ADGRF5: variants seen among roughly 807,000 people sequenced by gnomAD.
ADGRF5 encodes the protein adhesion G protein-coupled receptor F5.
Under a neutral mutation model 132.3 loss-of-function variants are expected in ADGRF5, and 75 were observed. The ratio of observed to expected loss-of-function variants is 0.57; its 90% CI spans 0.47 to 0.69. The LOEUF (loss-of-function observed/expected upper bound fraction) is 0.69, where lower values mean the gene tolerates loss of function less well. ADGRF5 is among the 30% of genes least tolerant of loss of function. The pLI is 0.00. For synonymous variants in ADGRF5, 629 were observed against 597.6 expected, an observed-to-expected ratio of 1.05 and a Z score of -0.77; for missense variants, 1,516 against 1,630.6, an observed-to-expected ratio of 0.93 and a Z score of 1.21.
At chr6:46,943,484 TTGG>T (rs1274678726) in intron 1 of ADGRF5, among the ~76,000 whole-genome samples, 1 of 152,230 alleles carries the variant, frequency 6.6e-6, no homozygotes, top group African/African-American at 2.4e-5. Context: ...TTTATTGTTG[TTGG>T]TGATGATGAT....
rs6910223 is a variant in ADGRF5, at chr6:46,937,952, T to G, written c.-25+16782A>C. ...AACTTATAAATTTTTTTTCTGGAAT[T>G]TTCCATTTAATATTTATCGACCCCA... On this transcript the variant is annotated intron_variant, in intron 1 of 20. Transcript: ENST00000265417. Among the ~76,000 whole-genome samples, 594 of 152,256 alleles carry G rather than the reference T, an allele frequency of 3.9e-3. 3 individuals are homozygous for G. The highest frequency in any genetic ancestry group is 0.01 in the Middle Eastern group (3 of 294).
At chr6:46,903,716 T>C (rs1775013553) in intron 2 of ADGRF5, 2 of 152,218 alleles carry the variant, frequency 1.3e-5, no homozygotes, top group Non-Finnish European at 2.9e-5. Context: ...GCAAGAATCC[T>C]CTAGCAATGT....
intron 11 of ADGRF5, chr6:46,869,311 T>C (rs1770797994): frequency 7.1e-7 from 1 of 1,402,536 alleles, no homozygotes; most frequent in African/African-American, 1.5e-5. Context: ...CTGTACTCAT[T>C]TCCATCACAT....
At chr6:46,920,842 G>A (rs1011157858) in intron 1 of ADGRF5, among the ~76,000 whole-genome samples, 5 of 151,988 alleles carry the variant, frequency 3.3e-5, no homozygotes, top group East Asian at 1.9e-4. Flanking sequence ...CAACCTGGGC[G>A]ACAGAGCAAG....
At chr6:46,926,376 G>T (rs1777240414), upstream of ADGRF5, among the ~76,000 whole-genome samples, 1 of 152,086 alleles carries the variant, frequency 6.6e-6, no homozygotes, top group South Asian at 2.1e-4. Flanking sequence ...CCCAGCTTCT[G>T]CCAGAAATCC....
intron 1 of ADGRF5, among the ~76,000 whole-genome samples, chr6:46,954,568 C>T (rs1326412520): frequency 6.6e-6 from 1 of 152,142 alleles, no homozygotes; most frequent in East Asian, 1.9e-4. Flanking sequence ...TGTCATATCC[C>T]ATCTCACTAT....
chr6:46,884,798 A>G (rs973549162), intron 4 of ADGRF5, among the ~76,000 whole-genome samples: 2 of 152,188 alleles, frequency 1.3e-5, no homozygotes, highest in Non-Finnish European at 2.9e-5. Flanking sequence ...GTTGACTGCC[A>G]TGGCATGAAG....
At chr6:46,877,271 CTTTCTTTCTT>C (rs1771825133) in intron 10 of ADGRF5, among the ~76,000 whole-genome samples, 1 of 42,990 alleles carries the variant, frequency 2.3e-5, no homozygotes, top group African/African-American at 1.5e-4. Context: ...TTCTTTCTTT[CTTTCTTTCTT>C]TCTTTCTTTC....
At chr6:46,900,149 C>A in intron 2 of ADGRF5, 66 bp from the exon 3 acceptor site, 3 of 1,131,140 alleles carry the variant, frequency 2.7e-6, no homozygotes, top group Non-Finnish European at 3.9e-6. Context: ...TGGCTCCCCG[C>A]TTAGATACCC....
chr6:46,884,156 C>T lies in ADGRF5; in HGVS notation c.444G>A (p.Gly148=), dbSNP rs144628829. The change falls in exon 5 of 21, where the codon GGG becomes GGA. Residue 148 remains glycine (G), a synonymous_variant. Transcript: ENST00000283296. ...ICQERDVFLP[G]HHCSCLKELP... Reference sequence around the variant, plus strand: ...GTTCTTTAAGGCAACTGCAATGGTGCCCTGGGAGGAAGACGTCACGCTCTT... The same window carrying T: ...GTTCTTTAAGGCAACTGCAATGGTGTCCTGGGAGGAAGACGTCACGCTCTT... 3 of 1,613,950 alleles carry T rather than the reference C, an allele frequency of 1.9e-6. No individual in the cohort carries two copies. The South Asian group carries it at 3.3e-5, about 18-fold the overall frequency.
intron 4 of ADGRF5, among the ~76,000 whole-genome samples, chr6:46,887,346 G>A (rs1484058858): frequency 6.6e-6 from 1 of 152,176 alleles, no homozygotes; most frequent in Non-Finnish European, 1.5e-5. Flanking sequence ...ATTTTCCAAA[G>A]TACCCTAGTT....
intron 10 of ADGRF5, among the ~76,000 whole-genome samples, chr6:46,876,261 ATT>A (rs1771638748): frequency 6.6e-6 from 1 of 152,198 alleles, no homozygotes; most frequent in East Asian, 1.9e-4. Flanking sequence ...CAGGAAATCC[ATT>A]GTTCTGCAGT....
At chr6:46,893,418 G>C (rs1290747337) in intron 3 of ADGRF5, among the ~76,000 whole-genome samples, 1 of 152,148 alleles carries the variant, frequency 6.6e-6, no homozygotes, top group Non-Finnish European at 1.5e-5. Context: ...CTAAGGAGCA[G>C]CTTAGATGCT....
chr6:46,917,738 A>C lies in ADGRF5; in HGVS notation c.-25+3975T>G, dbSNP rs145264383. Among the ~76,000 whole-genome samples, 971 of 151,936 alleles carry C rather than the reference A, an allele frequency of 6.4e-3. 3 individuals are homozygous for C. Among genetic ancestry groups the C allele is most frequent in the Non-Finnish European group, 0.011 (747 of 67,958 alleles). On this transcript the variant is annotated intron_variant, in intron 1 of 20. Coordinates refer to ENST00000283296, the MANE Select transcript of ADGRF5 (RefSeq NM_001098518.2). Reference sequence around the variant, plus strand: ...TGTGTCCATGTGTTCTCATTGTTCAACTCCCACTTATGAGTGAGAACATGC... The same window carrying C: ...TGTGTCCATGTGTTCTCATTGTTCACCTCCCACTTATGAGTGAGAACATGC...
intron 2 of ADGRF5, among the ~76,000 whole-genome samples, chr6:46,902,405 A>G (rs1475400856): frequency 6.6e-6 from 1 of 152,216 alleles, no homozygotes; most frequent in African/African-American, 2.4e-5. Flanking sequence ...CTGCTTTCCA[A>G]TAGGACTAAA....
intron 1 of ADGRF5, among the ~76,000 whole-genome samples, chr6:46,953,687 A>ATATATATCTATC (rs1184260500): frequency 6.1e-5 from 8 of 130,274 alleles, no homozygotes; most frequent in Non-Finnish European, 1.3e-4. Flanking sequence ...ATATATATAT[A>ATATATATCTATC]TATCTCACTG....
chr6:46,909,410 C>A lies in ADGRF5; in HGVS notation c.-24-2624G>T, dbSNP rs183622071. 2.2e-4 allele frequency among the ~76,000 whole-genome samples: 34 copies of A among 152,330 alleles called. No homozygotes were observed. In the Middle Eastern group the frequency reaches 0.01, roughly 46 times the overall value. ...ACCAAAGCTGGGAAATATGCCCTAG[C>A]CCTCAGTATTAGCCTTGCGGCTCTG... On this transcript the variant is annotated intron_variant, in intron 1 of 20. Coordinates refer to ENST00000283296, the MANE Select transcript of ADGRF5 (RefSeq NM_001098518.2).
chr6:46,941,419 A>AAGAAAAGAAAAG (rs1778060980), intron 1 of ADGRF5, among the ~76,000 whole-genome samples: 1 of 49,562 alleles, frequency 2.0e-5, no homozygotes, highest in African/African-American at 7.5e-5. Flanking sequence ...AAGAAAAGAA[A>AAGAAAAGAAAAG]AGAAAAGAAA....
intron 1 of ADGRF5, among the ~76,000 whole-genome samples, chr6:46,915,216 G>A (rs536779391): frequency 8.5e-5 from 13 of 152,056 alleles, no homozygotes; most frequent in Middle Eastern, 3.4e-3. Context: ...TTTACATTAG[G>A]TTGTTCTCAA....
Sources: allele counts gnomAD v4.1 joint callset (sites outside exome capture counted in the v4.1 genomes callset), GRCh38; gene constraint gnomAD v4.1.1; transcripts MANE v1.5; gene names NCBI Gene and HGNC (gene_info 2026-07-23, HGNC 2026-07-21).